Variants in TIGD1 observed in about 807,000 individuals in gnomAD.
TIGD1 encodes tigger transposable element derived 1.
A neutral mutation model predicts 21.3 loss-of-function variants in TIGD1; 20 were observed. That is an observed-to-expected ratio of 0.94 (90% confidence interval 0.66 to 1.36). TIGD1 has a LOEUF of 1.36. Ranked by LOEUF, TIGD1 falls within the 40% of genes most tolerant of loss-of-function variation. The pLI, the probability that TIGD1 is intolerant of heterozygous loss-of-function variation, is 0.00. For synonymous variants in TIGD1, 177 were observed against 123.2 expected (o/e 1.44, Z -2.89); for missense variants, 556 against 350.5 (o/e 1.59, Z -4.68).
Position 232,550,192 on chromosome 2 carries a change from G to A in TIGD1, c.-310C>T, listed in dbSNP as rs1437443471. ...GAGCACATGCTGTTGGAAAAATGGC[G>A]CTGATACAATTGCTGGACTCAGGGC... On this transcript the variant is annotated 5_prime_UTR_variant, in exon 1 of 1. Coordinates refer to ENST00000408957, the MANE Select transcript of TIGD1 (RefSeq NM_145702.4). The A allele has an allele frequency of 3.2e-6, 1 of 317,398 alleles. No individual in the cohort carries two copies. The highest frequency in any genetic ancestry group is 9.8e-5 in the South Asian group (1 of 10,234). 19.7% of individuals were successfully genotyped at this position (317,398 alleles called of 1,614,324 possible). A position where few individuals can be genotyped will look rare whatever the true frequency, so the allele number is the denominator to read the frequency against.
rs954743084 is a variant in TIGD1, at chr2:232,543,896, A to C, written c.*4211T>G. 1.3e-5 allele frequency among the ~76,000 whole-genome samples: 2 copies of C among 152,272 alleles called. No individual in the cohort carries two copies. Among genetic ancestry groups the C allele is most frequent in the African/African-American group, 4.8e-5 (2 of 41,480 alleles). ...AGGTGCCCGGGATATTACAAATGTT[A>C]ATGTATTTCATCTTCATAAAACCCA... On this transcript the variant is annotated 3_prime_UTR_variant, in exon 1 of 1. Transcript: ENST00000408957.
Position 232,544,804 on chromosome 2 carries a change from T to G in TIGD1, c.*3303A>C, listed in dbSNP as rs1332179500. The G allele has an allele frequency of 2.5e-6, 4 of 1,613,868 alleles. No individual in the cohort carries two copies. The highest frequency in any genetic ancestry group is 3.4e-6 in the Non-Finnish European group (4 of 1,180,022). ...CCCGGAGTTAGGGCTGAGCCAGTTC[T>G]GTGGCAGCCTGAAGCAGGCTGCCCC... On this transcript the variant is annotated 3_prime_UTR_variant, in exon 1 of 1. Transcript: ENST00000408957.
rs1692262508 is a variant in TIGD1, at chr2:232,550,532, C to A, written c.-650G>T. The A allele has an allele frequency of 1.5e-6, 1 of 674,390 alleles. No homozygotes were observed. The allele number at this position is 674,390 out of a possible 1,614,324, so 41.8% of individuals were successfully genotyped here. On this transcript the variant is annotated 5_prime_UTR_variant, in exon 1 of 1. Coordinates refer to ENST00000408957, the MANE Select transcript of TIGD1 (RefSeq NM_145702.4). Reference sequence around the variant, plus strand: ...AGGCAGAACTGAGGCCAGCAGCCAGCTCCGCCGCTGAGTCCAGCCCTCTGC... The same window carrying A: ...AGGCAGAACTGAGGCCAGCAGCCAGATCCGCCGCTGAGTCCAGCCCTCTGC...
rs1559305565 is a variant in TIGD1, at chr2:232,545,326, AAAAAAAGG to A, written c.*2773_*2780del. On this transcript the variant is annotated 3_prime_UTR_variant, in exon 1 of 1. Coordinates refer to ENST00000408957, the MANE Select transcript of TIGD1 (RefSeq NM_145702.4). ...GACGTGAGACTCCGTCTCAAAAAAAAAAAAAAGGAAAGAAAGAAAGAAAAAGGAACAGG... is the reference window on the plus strand; with the variant it reads ...GACGTGAGACTCCGTCTCAAAAAAAAAAAGAAAGAAAGAAAAAGGAACAGG... Among the ~76,000 whole-genome samples the A allele has an allele frequency of 1.3e-5, 2 of 150,310 alleles. No homozygotes were observed. The highest frequency in any genetic ancestry group is 6.7e-5 in the Admixed American group (1 of 14,820).
Position 232,547,911 on chromosome 2 carries a change from T to C in TIGD1, c.*196A>G, listed in dbSNP as rs1443905999. The C allele has an allele frequency of 4.7e-6, 2 of 426,308 alleles. No individual in the cohort carries two copies. Among genetic ancestry groups the C allele is most frequent in the Admixed American group, 8.6e-5 (2 of 23,208 alleles). The allele number at this position is 426,308 out of a possible 1,614,324, so 26.4% of individuals were successfully genotyped here. ...CAACCTAAGGAGGTAGGTCGAGGCATACCTCAAAGACATTGCAGGTTCAGT... is the reference window on the plus strand; with the variant it reads ...CAACCTAAGGAGGTAGGTCGAGGCACACCTCAAAGACATTGCAGGTTCAGT... On this transcript the variant is annotated 3_prime_UTR_variant, in exon 1 of 1. Transcript: ENST00000408957.
In TIGD1 at chr2:232,549,952, G is replaced by T; in HGVS notation, c.-70C>A. The T allele has an allele frequency of 4.8e-6, 4 of 838,420 alleles. No homozygotes were observed. The highest frequency in any genetic ancestry group is 7.4e-6 in the Non-Finnish European group (4 of 542,804). The allele number at this position is 838,420 out of a possible 1,614,324, so 51.9% of individuals were successfully genotyped here. A position where few individuals can be genotyped will look rare whatever the true frequency, so the allele number is the denominator to read the frequency against. ...GGGAATAGGGAGGCCCAAGAAGAGGGAGAGAGATGGGGAACGGTCTGTGGG... is the reference window on the plus strand; with the variant it reads ...GGGAATAGGGAGGCCCAAGAAGAGGTAGAGAGATGGGGAACGGTCTGTGGG... On this transcript the variant is annotated 5_prime_UTR_variant, in exon 1 of 1. Coordinates refer to ENST00000408957, the MANE Select transcript of TIGD1 (RefSeq NM_145702.4).
In TIGD1 at chr2:232,544,788, A is replaced by G. The variant is rs773789491; in HGVS notation, c.*3319T>C. 3 of 1,614,034 alleles carry G rather than the reference A, an allele frequency of 1.9e-6. No homozygotes were observed. In the South Asian group the frequency reaches 3.3e-5, roughly 18 times the overall value. On this transcript the variant is annotated 3_prime_UTR_variant, in exon 1 of 1. Transcript: ENST00000408957. ...CTTTATCAGAGAAAGGCCCGGAGTT[A>G]GGGCTGAGCCAGTTCTGTGGCAGCC...
chr2:232,548,204 G>A lies in TIGD1; in HGVS notation c.1679C>T (p.Pro560Leu). ...ACTGGTCAGGGTGGTGGCTGCTGAA[G>A]GTTGGGGTGGCTGTGGCAATTTCCT... ...YFRKLPQPPQ[P>L]SAATTLTSQQ... The change falls in exon 1 of 1, where the codon CCT (proline) becomes CTT (leucine). Residue 560 changes from proline (P) to leucine (L), a missense_variant. Pro to Leu is a moderately conservative substitution (Grantham distance 98, BLOSUM62 -3). Transcript: ENST00000408957. 2 of 1,539,304 alleles carry A rather than the reference G, an allele frequency of 1.3e-6. No individual in the cohort carries two copies. Among genetic ancestry groups the A allele is most frequent in the Non-Finnish European group, 1.7e-6 (2 of 1,145,726 alleles).
chr2:232,549,792 T>C lies in TIGD1; in HGVS notation c.91A>G (p.Met31Val), dbSNP rs747308989. Residue 31 changes from methionine to valine, a missense_variant, in exon 1 of 1, where the codon ATG becomes GTG. By Grantham distance (21) the Met-to-Val change is conservative. Transcript: ENST00000408957. Reference protein sequence around the residue: ...LEMIKLSEEGMSKAEIGRRLG... With the variant: ...LEMIKLSEEGVSKAEIGRRLG... ...CTTCGGCCTATCTCGGCTTTTGACA[T>C]ACCTTCCTCACTCAGTTTAATCATT... 1 of 1,545,544 alleles carries C rather than the reference T, an allele frequency of 6.5e-7. No homozygotes were observed. The highest frequency in any genetic ancestry group is 8.8e-7 in the Non-Finnish European group (1 of 1,142,456).
In TIGD1 at chr2:232,545,737, C is replaced by T. The variant is rs896195459; in HGVS notation, c.*2370G>A. On this transcript the variant is annotated 3_prime_UTR_variant, in exon 1 of 1. Transcript: ENST00000408957. ...ACTGAGCCAACCAACCACTGTGGGGCATGTGGGAGTCACACACGTGGGTCA... is the reference window on the plus strand; with the variant it reads ...ACTGAGCCAACCAACCACTGTGGGGTATGTGGGAGTCACACACGTGGGTCA... 2 of 1,613,518 alleles carry T rather than the reference C, an allele frequency of 1.2e-6. No homozygotes were observed. The highest frequency in any genetic ancestry group is 3.3e-5 in the Admixed American group (2 of 60,004).
In TIGD1 at chr2:232,548,499, G is replaced by C. The variant is rs1480701710; in HGVS notation, c.1384C>G (p.Leu462Val). 2 of 661,572 alleles carry C rather than the reference G, an allele frequency of 3.0e-6. No homozygotes were observed. Among genetic ancestry groups the C allele is most frequent in the Non-Finnish European group, 5.4e-6 (2 of 368,394 alleles). The allele number at this position is 661,572 out of a possible 1,614,324, so 41.0% of individuals were successfully genotyped here. ...DKTLTDEELF[L>V]MDAQRKWFLE... ...AACCACTTTCTTTGCGCATCCATAAGAAACAACTCCTCATCTGTTAAAGTT... is the reference window on the plus strand; with the variant it reads ...AACCACTTTCTTTGCGCATCCATAACAAACAACTCCTCATCTGTTAAAGTT... The change falls in exon 1 of 1, where the codon CTT (leucine) becomes GTT (valine). Residue 462 changes from leucine (L) to valine (V), a missense_variant. Transcript: ENST00000408957.
In TIGD1 at chr2:232,550,348, G is replaced by C. The variant is rs548535917; in HGVS notation, c.-466C>G. The stretch of plus-strand genomic sequence containing the variant: ...GGGAGGTCAAAAGAGATACCAGAGA[G>C]TGCGTCCCGCACTGGAGGAAGAGGA... On this transcript the variant is annotated 5_prime_UTR_variant, in exon 1 of 1. Coordinates refer to ENST00000408957, the MANE Select transcript of TIGD1 (RefSeq NM_145702.4). 2.5e-6 allele frequency: 1 copy of C among 399,564 alleles called. No homozygotes were observed. Among genetic ancestry groups the C allele is most frequent in the Non-Finnish European group, 4.7e-6 (1 of 212,970 alleles). 24.8% of individuals were successfully genotyped at this position (399,564 alleles called of 1,614,324 possible).
chr2:232,549,441 T>A lies in TIGD1; in HGVS notation c.442A>T (p.Ile148Leu). ...RFKERSHFHN[I>L]KAQGEAASAD... ...CTTGCTGCTTCACCTTGTGCTTTTA[T>A]GTTATGGAAATGGCTTCTTTCCTTA... The change falls in exon 1 of 1, where the codon ATA becomes TTA. Residue 148 changes from isoleucine to leucine, a missense_variant. Transcript: ENST00000408957. 1.5e-6 allele frequency: 1 copy of A among 656,358 alleles called. No homozygotes were observed. The highest frequency in any genetic ancestry group is 2.7e-6 in the Non-Finnish European group (1 of 367,438). 40.7% of individuals were successfully genotyped at this position (656,358 alleles called of 1,614,324 possible).
Position 232,550,416 on chromosome 2 carries a change from G to A in TIGD1, c.-534C>T, listed in dbSNP as rs1692257595. The A allele has an allele frequency of 8.0e-6, 4 of 498,470 alleles. No individual in the cohort carries two copies. Among genetic ancestry groups the A allele is most frequent in the South Asian group, 3.3e-5 (1 of 30,556 alleles). The allele number at this position is 498,470 out of a possible 1,614,324, so 30.9% of individuals were successfully genotyped here. ...CGAGTCCAGAGCCCGCGCCGTCAAC[G>A]ACGCGGTGCTGCCTTTTTTCCGAGC... is the stretch of plus-strand genomic sequence containing the variant. On this transcript the variant is annotated 5_prime_UTR_variant, in exon 1 of 1. Transcript: ENST00000408957.
rs931877040 is a variant in TIGD1, at chr2:232,548,130, G to A, written c.1753C>T (p.Arg585Ter). ...TATCAATCTGAGCCTTCGGTGAGTC[G>A]TACTCTTTTTGCTGGTGGAGGGTCT... ...RQDPPPAKRV[R>*]LTEGSD The change falls in exon 1 of 1, where the codon CGA becomes TGA. Residue 585 changes from arginine (R) to a stop codon, truncating the protein, a stop_gained. Transcript: ENST00000408957. LOFTEE classifies it high-confidence loss of function. 36 of 907,178 alleles carry A rather than the reference G, an allele frequency of 4.0e-5. No individual in the cohort carries two copies. Among genetic ancestry groups the A allele is most frequent in the Middle Eastern group, 2.2e-4 (1 of 4,540 alleles). The allele number at this position is 907,178 out of a possible 1,614,324, so 56.2% of individuals were successfully genotyped here. A position where few individuals can be genotyped will look rare whatever the true frequency, so the allele number is the denominator to read the frequency against.
chr2:232,545,734 G>A lies in TIGD1; in HGVS notation c.*2373C>T. ...CAGACTGAGCCAACCAACCACTGTG[G>A]GGCATGTGGGAGTCACACACGTGGG... On this transcript the variant is annotated 3_prime_UTR_variant, in exon 1 of 1. Coordinates refer to ENST00000408957, the MANE Select transcript of TIGD1 (RefSeq NM_145702.4). 1.9e-6 allele frequency: 3 copies of A among 1,613,762 alleles called. No homozygotes were observed. Among genetic ancestry groups the A allele is most frequent in the Non-Finnish European group, 2.5e-6 (3 of 1,179,834 alleles).
chr2:232,548,346 A>C lies in TIGD1; in HGVS notation c.1537T>G (p.Phe513Val), dbSNP rs1438012355. 8.0e-7 allele frequency: 1 copy of C among 1,251,932 alleles called. No individual in the cohort carries two copies. The highest frequency in any genetic ancestry group is 1.1e-6 in the Non-Finnish European group (1 of 901,882). 77.6% of individuals were successfully genotyped at this position (1,251,932 alleles called of 1,614,324 possible). A position where few individuals can be genotyped will look rare whatever the true frequency, so the allele number is the denominator to read the frequency against. ...TTGCCCACAGTAGAGCTTCTTTCAA[A>C]ATTGGAGTCAATCCTCTCAAACCCT... Reference protein sequence around the residue: ...AAGFERIDSNFERSSTVGKML... With the variant: ...AAGFERIDSNVERSSTVGKML... Residue 513 changes from phenylalanine (F) to valine (V), a missense_variant, in exon 1 of 1, where the codon TTT (phenylalanine) becomes GTT (valine). Phe to Val is a conservative substitution (Grantham distance 50). Transcript: ENST00000408957.
At position 232,545,729 on chromosome 2, in the gene TIGD1, CTG is replaced by C. The variant is rs1256501492; in HGVS notation, c.*2376_*2377del. The C allele has an allele frequency of 1.2e-6, 2 of 1,614,034 alleles. No individual in the cohort carries two copies. Among genetic ancestry groups the C allele is most frequent in the South Asian group, 2.2e-5 (2 of 91,076 alleles). On this transcript the variant is annotated 3_prime_UTR_variant, in exon 1 of 1. Transcript: ENST00000408957. ...CTCACCAGACTGAGCCAACCAACCACTGTGGGGCATGTGGGAGTCACACACGT... is the reference window on the plus strand; with the variant it reads ...CTCACCAGACTGAGCCAACCAACCACTGGGGCATGTGGGAGTCACACACGT...
At position 232,547,966 on chromosome 2, in the gene TIGD1, T is replaced by C. The variant is rs1692160503; in HGVS notation, c.*141A>G. ...GACCAACACAAGAAAGCAAGTCACATGAATGTTTTTGGTTTCCCAATGCAT... is the reference window on the plus strand; with the variant it reads ...GACCAACACAAGAAAGCAAGTCACACGAATGTTTTTGGTTTCCCAATGCAT... On this transcript the variant is annotated 3_prime_UTR_variant, in exon 1 of 1. Transcript: ENST00000408957. 4 of 444,958 alleles carry C rather than the reference T, an allele frequency of 9.0e-6. No homozygotes were observed. The highest frequency in any genetic ancestry group is 1.6e-5 in the Non-Finnish European group (4 of 255,132). The allele number at this position is 444,958 out of a possible 1,614,324, so 27.6% of individuals were successfully genotyped here.
Sources: allele counts gnomAD v4.1 joint callset (sites outside exome capture counted in the v4.1 genomes callset), GRCh38; gene constraint gnomAD v4.1.1; transcripts MANE v1.5; gene names NCBI Gene and HGNC (gene_info 2026-07-23, HGNC 2026-07-21).